PGF: variants seen among roughly 807,000 people sequenced by gnomAD.
PGF encodes placenta growth factor.
A neutral mutation model predicts 25.3 loss-of-function variants in PGF; 11 were observed. The observed-to-expected ratio is 0.43, with a 90% CI of 0.27 to 0.72. The LOEUF (loss-of-function observed/expected upper bound fraction) is 0.72, where lower values mean the gene tolerates loss of function less well. PGF is among the 30% of genes least tolerant of loss of function. The probability of loss-of-function intolerance (pLI) is 0.18; values close to 1 mark genes in which losing one functional copy is unlikely to be tolerated. For missense variants in PGF, 230 were observed against 234.9 expected, an observed-to-expected ratio of 0.98 and a Z score of 0.14; for synonymous variants, 105 against 97.9, an observed-to-expected ratio of 1.07 and a Z score of -0.43.
Position 74,953,927 on chromosome 14 carries a change from C to T in PGF, c.95G>A (p.Gly32Glu), listed in dbSNP as rs1276918063. 2.5e-6 allele frequency: 4 copies of T among 1,614,006 alleles called. No homozygotes were observed. Among genetic ancestry groups the T allele is most frequent in the Non-Finnish European group, 3.4e-6 (4 of 1,180,010 alleles). ...VPPQQWALSA[G>E]NGSSEVEVVP... is the part of the protein sequence containing the mutation. The stretch of plus-strand genomic sequence containing the variant: ...ACCTTCCACCTCTGACGAGCCGTTC[C>T]CAGCAGACAAGGCCCACTGCTATGG... Residue 32 changes from glycine (G) to glutamate (E), a missense_variant, in exon 2 of 7, where the codon GGG (glycine) becomes GAG (glutamate). Transcript: ENST00000555567. The surrounding 1 kb of genome is among the most constrained non-coding windows in gnomAD (Gnocchi z 5.4).
At position 74,944,288 on chromosome 14, in the gene PGF, C is replaced by G. The variant is rs372975210; in HGVS notation, c.486-1555G>C. ...CGGCTAATTTTTTGTATTTTTAGTACAGATGGGGTTTCACCATGTTAGCCA... is the reference window on the plus strand; with the variant it reads ...CGGCTAATTTTTTGTATTTTTAGTAGAGATGGGGTTTCACCATGTTAGCCA... On this transcript the variant is annotated intron_variant, in intron 6 of 6. Coordinates refer to ENST00000555567, the MANE Select transcript of PGF (RefSeq NM_002632.6). 9.0e-4 allele frequency among the ~76,000 whole-genome samples: 136 copies of G among 151,618 alleles called. 1 individual carries two copies. In the East Asian group the frequency reaches 0.019, roughly 22 times the overall value.
intron 4 of PGF, chr14:74,947,221 A>G (rs981069066): frequency 1.6e-5 from 5 of 318,276 alleles, no homozygotes; most frequent in African/African-American, 1.1e-4. Flanking sequence ...GCCTGCCCCA[A>G]AAGAGTGGCT....
At chr14:74,948,619 G>A in intron 3 of PGF, 36 bp from the exon 4 acceptor site, 1 of 1,419,244 alleles carries the variant, frequency 7.0e-7, no homozygotes, top group East Asian at 2.3e-5. Context: ...GGATTGGGGA[G>A]TGGCCCACGA....
chr14:74,942,086 T>C lies in PGF; in HGVS notation c.*620A>G, dbSNP rs8185. ...TAGGGGGGGCAGGGTGGTGGCACCT[T>C]GGCCGGAAAGAACAATGTCCCAGTA... is the stretch of plus-strand genomic sequence containing the variant. On this transcript the variant is annotated 3_prime_UTR_variant, in exon 7 of 7. Coordinates refer to ENST00000555567, the MANE Select transcript of PGF (RefSeq NM_002632.6). 0.2 allele frequency: 31,232 copies of C among 153,076 alleles called. 3,512 individuals carry two copies. Among genetic ancestry groups the C allele is most frequent in the African/African-American group, 0.28 (11,765 of 41,504 alleles). The allele number at this position is 153,076 out of a possible 1,614,324, so 9.5% of individuals were successfully genotyped here. A position where few individuals can be genotyped will look rare whatever the true frequency, so the allele number is the denominator to read the frequency against.
rs760252361 is a variant in PGF at position 74,949,370 on chromosome 14, T to C, written c.302A>G (p.Asn101Ser). ...GTATGGACCTACCTGCATGGTGACA[T>C]TGGCCGTCTCCACCGGCACACAGTG... Reference protein sequence around the residue: ...NLHCVPVETANVTMQLLKIRS... With the variant: ...NLHCVPVETASVTMQLLKIRS... The change falls in exon 3 of 7, where the codon AAT (asparagine) becomes AGT (serine). Residue 101 changes from asparagine to serine, a missense_variant. By Grantham distance (46) the Asn-to-Ser change is conservative. Transcript: ENST00000555567. 1.1e-5 allele frequency: 18 copies of C among 1,573,854 alleles called. No individual in the cohort carries two copies. The highest frequency in any genetic ancestry group is 9.3e-5 in the East Asian group (4 of 43,218).
chr14:74,949,657 GC>G, intron 2 of PGF, 104 bp from the exon 3 acceptor site: 1 of 885,636 alleles, frequency 1.1e-6, no homozygotes, highest in Non-Finnish European at 1.6e-6. Context: ...TCAGCCCCCA[GC>G]CCCATCCGAG....
chr14:74,943,463 C>G (rs578116339), intron 6 of PGF, among the ~76,000 whole-genome samples: 1 of 152,314 alleles, frequency 6.6e-6, no homozygotes, highest in East Asian at 1.9e-4. Context: ...AATTGTCAGC[C>G]AGGATATCAT....
chr14:74,944,541 A>G (rs1223539146), intron 6 of PGF: 1 of 151,350 alleles, frequency 6.6e-6, no homozygotes, highest in Admixed American at 6.6e-5. Flanking sequence ...ATCCTTTGTA[A>G]TGACTTATAC....
intron 2 of PGF, among the ~76,000 whole-genome samples, chr14:74,951,050 A>G (rs1047993363): frequency 1.3e-5 from 2 of 152,228 alleles, no homozygotes. Flanking sequence ...CTTCAGTCCT[A>G]GCAGAGGCCC....
Position 74,949,556 on chromosome 14 carries a change from G to A in PGF, c.119-3C>T. 1 of 1,555,610 alleles carries A rather than the reference G, an allele frequency of 6.4e-7. No individual in the cohort carries two copies. Among genetic ancestry groups the A allele is most frequent in the Non-Finnish European group, 8.7e-7 (1 of 1,150,550 alleles). On this transcript the variant is annotated splice_polypyrimidine_tract_variant and splice_region_variant and intron_variant, in intron 2 of 6. Transcript: ENST00000555567. ...CCACACTTCCTGGAAGGGTACCACT[G>A]CGAGGAAGCAAGGGGGCTGGGTCAG...
rs10141802 is a variant in PGF at position 74,953,039 on chromosome 14, G to C, written c.118+865C>G. ...GGCACAGCAAGGGAGGCATCCATGA[G>C]GTCAAGGGCAGCTACCTCCTCTACC... On this transcript the variant is annotated intron_variant, in intron 2 of 6. Transcript: ENST00000555567. The surrounding 1 kb of genome is among the most constrained non-coding windows in gnomAD (Gnocchi z 5.4). 5.9e-5 allele frequency among the ~76,000 whole-genome samples: 9 copies of C among 152,338 alleles called. No individual in the cohort carries two copies. The South Asian group carries it at 1.7e-3, about 28-fold the overall frequency.
intron 6 of PGF, among the ~76,000 whole-genome samples, 168 bp from the exon 7 acceptor site, chr14:74,942,901 G>T (rs61759405): frequency 0.01 from 1,598 of 152,248 alleles, 30 homozygotes; most frequent in African/African-American, 0.037. Flanking sequence ...GAAGCTGGGA[G>T]CTACCCTTCA....
chr14:74,946,296 G>C (rs748057302), intron 5 of PGF, 21 bp from the exon 6 acceptor site: 3 of 1,614,192 alleles, frequency 1.9e-6, no homozygotes, highest in Non-Finnish European at 2.5e-6. Context: ...CCAAGCGTCA[G>C]GACAAGGTGG....
intron 6 of PGF, chr14:74,945,421 C>T (rs1888709170): frequency 6.6e-6 from 1 of 152,202 alleles, no homozygotes; most frequent in South Asian, 2.1e-4. Context: ...GGGGCGCAGT[C>T]CCCAGGATCC....
rs1488784125 is a variant in PGF at position 74,950,018 on chromosome 14, T to C, written c.119-465A>G. 5.9e-5 allele frequency among the ~76,000 whole-genome samples: 9 copies of C among 152,148 alleles called. No homozygotes were observed. Among genetic ancestry groups the C allele is most frequent in the Non-Finnish European group, 1.0e-4 (7 of 68,038 alleles). Reference sequence around the variant, plus strand: ...CTCCCTCATTTCCTGCCCCACTCTGTGCCAGCTCCTCTGCCTGGCAACCAA... The same window carrying C: ...CTCCCTCATTTCCTGCCCCACTCTGCGCCAGCTCCTCTGCCTGGCAACCAA... On this transcript the variant is annotated intron_variant, in intron 2 of 6. Coordinates refer to ENST00000555567, the MANE Select transcript of PGF (RefSeq NM_002632.6). The surrounding 1 kb of genome is among the most constrained non-coding windows in gnomAD (Gnocchi z 4.1).
intron 2 of PGF, among the ~76,000 whole-genome samples, chr14:74,949,922 A>T (rs981341184): frequency 6.6e-6 from 1 of 152,148 alleles, no homozygotes; most frequent in African/African-American, 2.4e-5. Flanking sequence ...ACTTGCAGAA[A>T]ACAGTCATTC....
intron 3 of PGF, among the ~76,000 whole-genome samples, chr14:74,948,972 C>G (rs551783436): frequency 1.3e-5 from 2 of 152,342 alleles, no homozygotes; most frequent in African/African-American, 4.8e-5. Flanking sequence ...ACTTGTGGCA[C>G]GCCTAGGACA....
chr14:74,942,378 C>T lies in PGF; in HGVS notation c.*328G>A. ...TGAGGCCCAAGAACAGGTAGCAGGG[C>T]CCCCTTCTTTCCTTCTGCAGGCCCC... On this transcript the variant is annotated 3_prime_UTR_variant, in exon 7 of 7. Coordinates refer to ENST00000555567, the MANE Select transcript of PGF (RefSeq NM_002632.6). The T allele has an allele frequency of 3.0e-6, 1 of 328,648 alleles. No individual in the cohort carries two copies. The highest frequency in any genetic ancestry group is 3.1e-5 in the South Asian group (1 of 32,124). 20.4% of individuals were successfully genotyped at this position (328,648 alleles called of 1,614,324 possible). A position where few individuals can be genotyped will look rare whatever the true frequency, so the allele number is the denominator to read the frequency against.
chr14:74,949,142 G>A (rs1265815352), intron 3 of PGF, among the ~76,000 whole-genome samples: 2 of 152,220 alleles, frequency 1.3e-5, no homozygotes, highest in African/African-American at 4.8e-5. Context: ...TCTTGGGATA[G>A]GACTCAGCGT....
Sources: allele counts gnomAD v4.1 joint callset (sites outside exome capture counted in the v4.1 genomes callset), GRCh38; gene constraint gnomAD v4.1.1; non-coding constraint Gnocchi (gnomAD v3.1); transcripts MANE v1.5; gene names NCBI Gene and HGNC (gene_info 2026-07-23, HGNC 2026-07-21).